The following TMEM135 variants were observed in gnomAD, a reference collection of about 807,000 sequenced individuals.
TMEM135 encodes peroxisomal membrane protein 52.
Under a neutral mutation model 60.3 loss-of-function variants are expected in TMEM135, and 30 were observed. The observed-to-expected ratio is 0.50, with a 90% confidence interval of 0.37 to 0.68. The LOEUF (loss-of-function observed/expected upper bound fraction) is 0.68, where lower values mean the gene tolerates loss of function less well. Among genes scored for constraint, TMEM135 ranks in the 30% least tolerant of loss-of-function variants. TMEM135 has a pLI of 0.00. For synonymous variants in TMEM135, 190 were observed against 186.7 expected (o/e 1.02, Z -0.14); for missense variants, 468 against 548.8 (o/e 0.85, Z 1.47).
intron 5 of TMEM135, among the ~76,000 whole-genome samples, chr11:87,162,848 G>C: frequency 6.6e-6 from 1 of 152,082 alleles, no homozygotes; most frequent in East Asian, 1.9e-4. Context: ...CAGTGTAAAA[G>C]CATTCCTATT....
At chr11:87,256,205 A>G (rs184288467) in intron 6 of TMEM135, among the ~76,000 whole-genome samples, 27 of 152,314 alleles carry the variant, frequency 1.8e-4, no homozygotes, top group South Asian at 4.1e-4. Context: ...TAGAGGATCC[A>G]TTATATTAGC....
chr11:87,221,705 A>G (rs986575466), intron 5 of TMEM135, among the ~76,000 whole-genome samples: 1 of 152,204 alleles, frequency 6.6e-6, no homozygotes, highest in Non-Finnish European at 1.5e-5. Context: ...TTTGGAATTC[A>G]TAACTAAGAG....
chr11:87,313,228 A>T (rs1333703810), intron 10 of TMEM135, among the ~76,000 whole-genome samples, 197 bp from the exon 11 acceptor site: 2 of 151,762 alleles, frequency 1.3e-5, no homozygotes, highest in African/African-American at 4.8e-5. Context: ...ATTTCTTAAT[A>T]GAGTCTATAG....
intron 5 of TMEM135, among the ~76,000 whole-genome samples, chr11:87,236,389 G>A (rs1329756418): frequency 6.6e-6 from 1 of 151,914 alleles, no homozygotes; most frequent in Admixed American, 6.6e-5. Flanking sequence ...AAATCACAAT[G>A]TTTAAAGAAA....
intron 6 of TMEM135, among the ~76,000 whole-genome samples, chr11:87,257,657 C>A (rs1941555824): frequency 6.6e-6 from 1 of 152,006 alleles, no homozygotes; most frequent in African/African-American, 2.4e-5. Context: ...TTCTATTTAT[C>A]AAAAATGTCC....
At chr11:87,140,457 A>G (rs10898609) in intron 4 of TMEM135, among the ~76,000 whole-genome samples, 18,128 of 152,140 alleles carry the variant, frequency 0.12, 1,363 homozygotes, top group African/African-American at 0.2. Flanking sequence ...GATTAGGCAC[A>G]TTTTATCAAT....
chr11:87,272,812 C>A (rs1418898518), intron 6 of TMEM135, among the ~76,000 whole-genome samples: 2 of 152,118 alleles, frequency 1.3e-5, no homozygotes, highest in Non-Finnish European at 2.9e-5. Context: ...CTGGAACTAT[C>A]ATTTTATTTT....
intron 8 of TMEM135, among the ~76,000 whole-genome samples, chr11:87,303,846 A>G (rs1483919430): frequency 6.6e-6 from 1 of 152,190 alleles, no homozygotes; most frequent in African/African-American, 2.4e-5. Context: ...GAATGCAGAG[A>G]ATGAATTATA....
intron 1 of TMEM135, among the ~76,000 whole-genome samples, chr11:87,060,586 C>G (rs1949936096): frequency 6.6e-6 from 1 of 152,028 alleles, no homozygotes; most frequent in African/African-American, 2.4e-5. Context: ...TCAATCCCTG[C>G]TCTGCCTGTA....
chr11:87,143,361 TC>T (rs1457598503), intron 4 of TMEM135, among the ~76,000 whole-genome samples: 4 of 132,544 alleles, frequency 3.0e-5, no homozygotes, highest in African/African-American at 5.6e-5. Context: ...TTTCTTTCTT[TC>T]TTTCTTTTTT....
intron 4 of TMEM135, among the ~76,000 whole-genome samples, chr11:87,127,943 G>T (rs1387891855): frequency 2.0e-5 from 3 of 152,176 alleles, no homozygotes; most frequent in Non-Finnish European, 4.4e-5. Context: ...TCTGTGAGAA[G>T]AAATATCTGC....
chr11:87,163,584 C>G (rs1185133389), intron 5 of TMEM135, among the ~76,000 whole-genome samples: 2 of 152,016 alleles, frequency 1.3e-5, no homozygotes, highest in Non-Finnish European at 2.9e-5. Context: ...AATGGTATTT[C>G]CAGTTCTAGA....
intron 9 of TMEM135, among the ~76,000 whole-genome samples, chr11:87,308,312 A>G (rs1257541165): frequency 6.6e-6 from 1 of 152,174 alleles, no homozygotes; most frequent in Non-Finnish European, 1.5e-5. Context: ...TATAATCCCT[A>G]AATCCTTAGA....
Position 87,037,945 on chromosome 11 carries a change from C to A in TMEM135, c.-101C>A. 1.3e-6 allele frequency: 2 copies of A among 1,569,270 alleles called. No individual in the cohort carries two copies. Among genetic ancestry groups the A allele is most frequent in the Non-Finnish European group, 1.7e-6 (2 of 1,149,216 alleles). On this transcript the variant is annotated 5_prime_UTR_variant, in exon 1 of 15. Transcript: ENST00000305494. Reference sequence around the variant, plus strand: ...GACCTTTCCCCTCCATTCCGCACCTCCGAGTGCTGGCCGGGCGAGAGGCTG... The same window carrying A: ...GACCTTTCCCCTCCATTCCGCACCTACGAGTGCTGGCCGGGCGAGAGGCTG...
At chr11:87,259,400 G>T in intron 6 of TMEM135, 1 of 246,052 alleles carries the variant, frequency 4.1e-6, no homozygotes, top group South Asian at 5.4e-5. Flanking sequence ...ATGTGTATGT[G>T]TGTACGCGTG....
At chr11:87,086,668 CAA>C (rs1021827648) in intron 3 of TMEM135, among the ~76,000 whole-genome samples, 2 of 151,976 alleles carry the variant, frequency 1.3e-5, no homozygotes, top group African/African-American at 2.4e-5. Flanking sequence ...AAAGACTACT[CAA>C]AGGTGGGCAT....
At chr11:87,206,341 G>A (rs945865440) in intron 5 of TMEM135, among the ~76,000 whole-genome samples, 8 of 152,244 alleles carry the variant, frequency 5.3e-5, no homozygotes, top group Middle Eastern at 3.4e-3. Flanking sequence ...TATATAACAT[G>A]TTATAATTAA....
Position 87,171,441 on chromosome 11 carries a change from A to G in TMEM135, c.462+14035A>G, listed in dbSNP as rs759384410. 4.3e-4 allele frequency among the ~76,000 whole-genome samples: 65 copies of G among 152,140 alleles called. No individual in the cohort carries two copies. In the Middle Eastern group the frequency reaches 0.014, roughly 32 times the overall value. On this transcript the variant is annotated intron_variant, in intron 5 of 14. Transcript: ENST00000305494. ...TCAAGAATTAGTATTCTGTCTCCCA[A>G]CTGGAGTAGCCAGTGTCCTATGCTA... is the stretch of plus-strand genomic sequence containing the variant.
Position 87,091,491 on chromosome 11 carries a change from T to C in TMEM135, c.396+96T>C, listed in dbSNP as rs527899134. 98 of 1,183,122 alleles carry C rather than the reference T, an allele frequency of 8.3e-5. 1 individual carries two copies. In the South Asian group the frequency reaches 1.2e-3, roughly 14 times the overall value. 73.3% of individuals were successfully genotyped at this position (1,183,122 alleles called of 1,614,324 possible). A position where few individuals can be genotyped will look rare whatever the true frequency, so the allele number is the denominator to read the frequency against. On this transcript the variant is annotated intron_variant, in intron 4 of 14. Coordinates refer to ENST00000305494, the MANE Select transcript of TMEM135 (RefSeq NM_022918.4). ...AAAAGTAAAAGAGGAAAGCCACTTG[T>C]ATTTGAGGATAATCTTCTCTGTGTT...
Sources: gnomAD v4.1 joint callset for allele counts (sites outside exome capture counted in the v4.1 genomes callset) on GRCh38, gnomAD v4.1.1 for gene constraint, MANE v1.5 for transcripts, NCBI Gene and HGNC (gene_info 2026-07-23, HGNC 2026-07-21) for gene names.